Variants in CDH12 observed in about 807,000 individuals in gnomAD.
CDH12 encodes the protein cadherin 12, also known as cadherin-12.
In CDH12, 41 loss-of-function variants were observed where a neutral mutation model predicts 74.1. That is an observed-to-expected ratio of 0.55 (90% CI 0.43 to 0.72). The LOEUF (loss-of-function observed/expected upper bound fraction) is 0.72, where lower values mean the gene tolerates loss of function less well. Among genes scored for constraint, CDH12 ranks in the 30% least tolerant of loss-of-function variants. The pLI is 0.00. For missense variants in CDH12, 945 were observed against 977.2 expected (o/e 0.97, Z 0.44); for synonymous variants, 399 against 355.0 (o/e 1.12, Z -1.39).
At chr5:22,604,283 T>C (rs1561522574) in intron 1 of CDH12, among the ~76,000 whole-genome samples, 1 of 152,196 alleles carries the variant, frequency 6.6e-6, no homozygotes, top group Non-Finnish European at 1.5e-5. Flanking sequence ...GGTTCTCCCA[T>C]GCCCAGCACT....
Position 22,727,083 on chromosome 5 carries a change from G to A in CDH12, c.-523+125975C>T, listed in dbSNP as rs116618384. On this transcript the variant is annotated intron_variant, in intron 1 of 14. Coordinates refer to ENST00000382254, the MANE Select transcript of CDH12 (RefSeq NM_004061.5). Reference sequence around the variant, plus strand: ...AATCTGTATATAATAGGAGTACAAGGCATTTGTTTATTAGCTGAATTATGA... The same window carrying A: ...AATCTGTATATAATAGGAGTACAAGACATTTGTTTATTAGCTGAATTATGA... 8.7e-3 allele frequency among the ~76,000 whole-genome samples: 1,316 copies of A among 151,776 alleles called. 12 individuals are homozygous for A. The highest frequency in any genetic ancestry group is 0.013 in the Non-Finnish European group (895 of 67,740).
chr5:22,093,337 T>C (rs1743545680), intron 4 of CDH12, among the ~76,000 whole-genome samples: 3 of 152,160 alleles, frequency 2.0e-5, no homozygotes. Context: ...TTGGAGCTCA[T>C]GGGTCTCAAC....
At chr5:22,458,126 C>G (rs181315658) in intron 2 of CDH12, among the ~76,000 whole-genome samples, 8 of 152,098 alleles carry the variant, frequency 5.3e-5, no homozygotes, top group Non-Finnish European at 1.2e-4. Context: ...ATCATCCACC[C>G]GCCTTGCCCT....
intron 6 of CDH12, among the ~76,000 whole-genome samples, chr5:21,881,831 T>A (rs1305929755): frequency 6.6e-6 from 1 of 152,214 alleles, no homozygotes; most frequent in Non-Finnish European, 1.5e-5. Context: ...ATGCATAATA[T>A]GTTTTGAATC....
intron 5 of CDH12, among the ~76,000 whole-genome samples, chr5:22,041,815 C>G (rs1337336194): frequency 1.3e-5 from 2 of 152,198 alleles, no homozygotes; most frequent in African/African-American, 4.8e-5. Flanking sequence ...ATGGGCCTAA[C>G]AGGTATATAA....
At chr5:22,710,253 TTA>T (rs1439595351) in intron 1 of CDH12, among the ~76,000 whole-genome samples, 16 of 152,318 alleles carry the variant, frequency 1.1e-4, no homozygotes, top group Admixed American at 5.2e-4. Flanking sequence ...TTTGCAAACT[TTA>T]TATGTTTCAT....
At chr5:22,381,646 C>G (rs774844605) in intron 3 of CDH12, among the ~76,000 whole-genome samples, 2 of 151,866 alleles carry the variant, frequency 1.3e-5, no homozygotes. Context: ...TTAACAAAAC[C>G]TCTTCCTGTG....
At chr5:22,050,308 T>A (rs1352627167) in intron 5 of CDH12, among the ~76,000 whole-genome samples, 1 of 152,116 alleles carries the variant, frequency 6.6e-6, no homozygotes, top group Non-Finnish European at 1.5e-5. Context: ...AATTATCTAT[T>A]CATTTCTATA....
intron 1 of CDH12, among the ~76,000 whole-genome samples, chr5:22,796,924 C>G (rs1748254939): frequency 6.6e-6 from 1 of 152,006 alleles, no homozygotes; most frequent in Non-Finnish European, 1.5e-5. Flanking sequence ...TAAAATAATA[C>G]TATGATTTAA....
chr5:22,122,511 C>T (rs977308815), intron 4 of CDH12, among the ~76,000 whole-genome samples: 1 of 152,214 alleles, frequency 6.6e-6, no homozygotes, highest in African/African-American at 2.4e-5. Context: ...TTCCTCACTA[C>T]ACTACCAGCT....
At chr5:22,166,699 C>T (rs1748701987) in intron 4 of CDH12, among the ~76,000 whole-genome samples, 2 of 152,144 alleles carry the variant, frequency 1.3e-5, no homozygotes. Context: ...AGTAAAACAA[C>T]TGTAAAATGA....
intron 9 of CDH12, among the ~76,000 whole-genome samples, chr5:21,805,586 G>C (rs766435158): frequency 1.3e-5 from 2 of 152,004 alleles, no homozygotes. Context: ...ACTTCTTCGT[G>C]ACCCTGACTT....
intron 1 of CDH12, among the ~76,000 whole-genome samples, chr5:22,667,852 G>T (rs1740699660): frequency 6.6e-6 from 1 of 152,108 alleles, no homozygotes; most frequent in African/African-American, 2.4e-5. Context: ...CACTTCATTT[G>T]CTTTGGCTTT....
intron 1 of CDH12, among the ~76,000 whole-genome samples, chr5:22,601,149 T>G (rs1472085660): frequency 1.3e-5 from 2 of 152,086 alleles, no homozygotes; most frequent in African/African-American, 4.8e-5. Context: ...CAACATAAAT[T>G]TTATTTATTT....
At chr5:22,199,803 C>T (rs1750821458) in intron 4 of CDH12, among the ~76,000 whole-genome samples, 1 of 152,248 alleles carries the variant, frequency 6.6e-6, no homozygotes, top group Non-Finnish European at 1.5e-5. Flanking sequence ...TTCTTTTTCT[C>T]TCTGCCTTTC....
At chr5:22,112,138 A>C (rs937830033) in intron 4 of CDH12, among the ~76,000 whole-genome samples, 2 of 152,100 alleles carry the variant, frequency 1.3e-5, no homozygotes, top group Non-Finnish European at 2.9e-5. Context: ...AGTATATAGC[A>C]AATCAAAATA....
chr5:22,012,168 C>G (rs890980560), intron 5 of CDH12, among the ~76,000 whole-genome samples: 28 of 152,012 alleles, frequency 1.8e-4, no homozygotes, highest in African/African-American at 6.5e-4. Flanking sequence ...ATTGGAATTT[C>G]TGATTAGCAA....
intron 3 of CDH12, among the ~76,000 whole-genome samples, chr5:22,226,244 C>T (rs538807123): frequency 5.7e-4 from 87 of 151,954 alleles, no homozygotes; most frequent in Non-Finnish European, 1.2e-3. Context: ...AATGACCCTC[C>T]CCCTTGGATG....
intron 1 of CDH12, among the ~76,000 whole-genome samples, chr5:22,791,813 C>A (rs1397141101): frequency 6.6e-5 from 10 of 152,274 alleles, no homozygotes; most frequent in Non-Finnish European, 1.5e-4. Flanking sequence ...AACTTACTCA[C>A]TATCACAAGA....
Sources: gnomAD v4.1 joint callset for allele counts (sites outside exome capture counted in the v4.1 genomes callset) on GRCh38, gnomAD v4.1.1 for gene constraint, MANE v1.5 for transcripts, NCBI Gene and HGNC (gene_info 2026-07-23, HGNC 2026-07-21) for gene names.